TBC1D22A: variants seen among roughly 807,000 people sequenced by gnomAD.
The protein encoded by TBC1D22A is TBC1 domain family member 22A, also known as putative GTPase activator.
A neutral mutation model predicts 60.2 loss-of-function variants in TBC1D22A; 38 were observed. The ratio of observed to expected loss-of-function variants is 0.63; its 90% CI spans 0.49 to 0.83. TBC1D22A has a LOEUF of 0.83. Among genes scored for constraint, TBC1D22A ranks in the 40% least tolerant of loss-of-function variants. The probability of loss-of-function intolerance (pLI) is 0.00; values close to 1 mark genes in which losing one functional copy is unlikely to be tolerated. For synonymous variants in TBC1D22A, 302 were observed against 281.7 expected, an observed-to-expected ratio of 1.07 and a Z score of -0.72; for missense variants, 628 against 701.0, an observed-to-expected ratio of 0.90 and a Z score of 1.18.
intron 4 of TBC1D22A, among the ~76,000 whole-genome samples, chr22:46,815,692 A>T: frequency 6.6e-6 from 1 of 152,114 alleles, no homozygotes; most frequent in Non-Finnish European, 1.5e-5. Context: ...CGATACAAAG[A>T]TGTATTTGTG....
chr22:46,832,153 C>T (rs1374313267), intron 4 of TBC1D22A, among the ~76,000 whole-genome samples: 1 of 152,156 alleles, frequency 6.6e-6, no homozygotes, highest in Non-Finnish European at 1.5e-5. Context: ...TGATTTTGCC[C>T]TTGTATCTGA....
intron 12 of TBC1D22A, among the ~76,000 whole-genome samples, chr22:47,161,450 C>T (rs984986047): frequency 6.6e-6 from 1 of 152,168 alleles, no homozygotes; most frequent in African/African-American, 2.4e-5. Context: ...GATTTTTTAA[C>T]TGCTAAATAA....
chr22:46,855,867 G>T (rs557089177), intron 4 of TBC1D22A, among the ~76,000 whole-genome samples: 1 of 152,116 alleles, frequency 6.6e-6, no homozygotes, highest in Non-Finnish European at 1.5e-5. Context: ...CTTTGCCTTC[G>T]TAATTACATT....
intron 8 of TBC1D22A, among the ~76,000 whole-genome samples, chr22:46,973,406 C>T (rs1362840042): frequency 3.3e-5 from 5 of 152,202 alleles, no homozygotes; most frequent in South Asian, 2.1e-4. Context: ...GAGGGCCTGG[C>T]GCGTCAGCAG....
intron 5 of TBC1D22A, among the ~76,000 whole-genome samples, chr22:46,883,327 G>A (rs2067943848): frequency 1.3e-5 from 2 of 152,188 alleles, no homozygotes; most frequent in African/African-American, 4.8e-5. Flanking sequence ...TTTATGATGA[G>A]TGTTTTTATA....
chr22:47,159,578 A>C (rs1347636632), intron 12 of TBC1D22A, among the ~76,000 whole-genome samples: 4 of 146,500 alleles, frequency 2.7e-5, no homozygotes, highest in Non-Finnish European at 4.5e-5. Context: ...CACACACACC[A>C]CAGTTATGTA....
chr22:46,878,604 C>T (rs374680577), intron 4 of TBC1D22A, 49 bp from the exon 5 acceptor site: 125 of 1,582,392 alleles, frequency 7.9e-5, no homozygotes, highest in Middle Eastern at 1.7e-4. Context: ...GGGAGGTTTG[C>T]TAACCTTTTG....
intron 4 of TBC1D22A, among the ~76,000 whole-genome samples, chr22:46,875,420 A>T (rs2067508427): frequency 6.6e-6 from 1 of 151,880 alleles, no homozygotes; most frequent in Admixed American, 6.6e-5. Context: ...GGCAATAGAC[A>T]TGTTCTGTGT....
rs531947774 is a variant in TBC1D22A, at chr22:46,866,011, C to T, written c.638-12642C>T. On this transcript the variant is annotated intron_variant, in intron 4 of 12. Coordinates refer to ENST00000337137, the MANE Select transcript of TBC1D22A (RefSeq NM_014346.5). ...GACCTGAAGAAACAGAAGGAGAAACCGTTGAAGTTCTGTGCCGAAATTGAT... is the reference window on the plus strand; with the variant it reads ...GACCTGAAGAAACAGAAGGAGAAACTGTTGAAGTTCTGTGCCGAAATTGAT... 4.6e-5 allele frequency among the ~76,000 whole-genome samples: 7 copies of T among 152,056 alleles called. No individual in the cohort carries two copies. In the South Asian group the frequency reaches 6.2e-4, roughly 14 times the overall value.
At chr22:47,107,192 G>A (rs2065667739) in intron 11 of TBC1D22A, among the ~76,000 whole-genome samples, 1 of 152,166 alleles carries the variant, frequency 6.6e-6, no homozygotes, top group African/African-American at 2.4e-5. Flanking sequence ...ATTCATTGGG[G>A]TTAGGGCATT....
At chr22:46,932,498 G>A (rs536830613) in intron 8 of TBC1D22A, among the ~76,000 whole-genome samples, 3 of 152,114 alleles carry the variant, frequency 2.0e-5, no homozygotes, top group Non-Finnish European at 4.4e-5. Context: ...GTTTTCCTCA[G>A]GTTTAGGAAT....
At chr22:47,081,987 G>A (rs1230790634) in intron 11 of TBC1D22A, among the ~76,000 whole-genome samples, 7 of 152,020 alleles carry the variant, frequency 4.6e-5, no homozygotes, top group East Asian at 3.9e-4. Context: ...GTGAAACCCC[G>A]TCTCTACTAA....
intron 10 of TBC1D22A, 104 bp downstream of exon 10, chr22:46,997,813 C>A: frequency 9.8e-7 from 1 of 1,025,326 alleles, no homozygotes; most frequent in Non-Finnish European, 1.5e-6. Context: ...GCATCCTGGC[C>A]TGCTCAGGAT....
At position 47,092,192 on chromosome 22, in the gene TBC1D22A, C is replaced by T. The variant is rs1167628825; in HGVS notation, c.1330-19316C>T. Among the ~76,000 whole-genome samples the T allele has an allele frequency of 4.6e-5, 7 of 152,102 alleles. No homozygotes were observed. The East Asian group carries it at 7.7e-4, about 17-fold the overall frequency. On this transcript the variant is annotated intron_variant, in intron 11 of 12. Transcript: ENST00000337137. ...GCACTGGAGGGATGTCGGAGCAGGG[C>T]GCCTTACCCTGGCCTCAGGAGTCCC... is the stretch of plus-strand genomic sequence containing the variant.
At chr22:47,107,599 C>G (rs1373453763) in intron 11 of TBC1D22A, among the ~76,000 whole-genome samples, 3 of 152,174 alleles carry the variant, frequency 2.0e-5, no homozygotes, top group African/African-American at 7.2e-5. Flanking sequence ...AAACGAAGAG[C>G]TATATCATGG....
intron 11 of TBC1D22A, among the ~76,000 whole-genome samples, chr22:47,097,576 ACTCC>A (rs2065234943): frequency 6.6e-6 from 1 of 152,158 alleles, no homozygotes; most frequent in African/African-American, 2.4e-5. Flanking sequence ...GCACCACTGC[ACTCC>A]AGCCTGGGCG....
chr22:46,883,980 C>T (rs929224635), intron 5 of TBC1D22A, among the ~76,000 whole-genome samples: 1 of 152,170 alleles, frequency 6.6e-6, no homozygotes, highest in African/African-American at 2.4e-5. Flanking sequence ...CTGTGGCCAC[C>T]TTTGGGTCTG....
chr22:46,977,920 G>A (rs544328423), intron 9 of TBC1D22A, among the ~76,000 whole-genome samples: 1 of 152,242 alleles, frequency 6.6e-6, no homozygotes, highest in Non-Finnish European at 1.5e-5. Flanking sequence ...CAGCACAGGG[G>A]ATTACAATTC....
At chr22:47,172,805 G>GCCCTGC (rs2068537662) in intron 12 of TBC1D22A, among the ~76,000 whole-genome samples, 2 of 152,052 alleles carry the variant, frequency 1.3e-5, no homozygotes, top group Non-Finnish European at 2.9e-5. Flanking sequence ...GGGTTTGGTG[G>GCCCTGC]AGCCCTGCAC....
Sources: gnomAD v4.1 joint callset for allele counts (sites outside exome capture counted in the v4.1 genomes callset) on GRCh38, gnomAD v4.1.1 for gene constraint, MANE v1.5 for transcripts, NCBI Gene and HGNC (gene_info 2026-07-23, HGNC 2026-07-21) for gene names.